The following NCKAP5 variants were observed in gnomAD, a reference collection of about 807,000 sequenced individuals.
NCKAP5 encodes the protein NCK associated protein 5, also known as nck-associated protein 5.
A neutral mutation model predicts 167.0 loss-of-function variants in NCKAP5; 92 were observed. The observed-to-expected ratio is 0.55, with a 90% CI of 0.47 to 0.66. The LOEUF is 0.66. Ranked by LOEUF, NCKAP5 falls within the 30% of genes least tolerant of loss-of-function variation. NCKAP5 has a pLI of 0.00. For synonymous variants in NCKAP5, 891 were observed against 877.4 expected (o/e 1.02, Z -0.27); for missense variants, 2,378 against 2,315.0 (o/e 1.03, Z -0.56).
chr2:133,652,029 G>T, the NCKAP5 span, among the ~76,000 whole-genome samples: 2 of 152,288 alleles, frequency 1.3e-5, no homozygotes, highest in African/African-American at 4.8e-5. Context: ...GAGTGGGAGA[G>T]CATGGCCTGA....
chr2:133,287,433 T>C (rs1023957018), intron 4 of NCKAP5, among the ~76,000 whole-genome samples: 2 of 152,212 alleles, frequency 1.3e-5, no homozygotes, highest in Admixed American at 6.5e-5. Flanking sequence ...TATTTGGCTT[T>C]CAATTAGTCA....
At chr2:132,867,362 C>A (rs1690437260) in intron 10 of NCKAP5, among the ~76,000 whole-genome samples, 1 of 152,090 alleles carries the variant, frequency 6.6e-6, no homozygotes, top group Non-Finnish European at 1.5e-5. Context: ...AAAAAGAATT[C>A]AAAAATGTTG....
At chr2:132,933,982 G>A (rs1414521524) in intron 8 of NCKAP5, among the ~76,000 whole-genome samples, 1 of 152,112 alleles carries the variant, frequency 6.6e-6, no homozygotes, top group African/African-American at 2.4e-5. Context: ...CATGAAAGGG[G>A]GCTTTTTGCC....
At chr2:132,929,474 T>G (rs765401504) in intron 8 of NCKAP5, among the ~76,000 whole-genome samples, 1 of 152,218 alleles carries the variant, frequency 6.6e-6, no homozygotes, top group Non-Finnish European at 1.5e-5. Flanking sequence ...AAAAATATAC[T>G]GTTAAAATTG....
At chr2:133,595,272 G>A in the NCKAP5 span, among the ~76,000 whole-genome samples, 1 of 151,972 alleles carries the variant, frequency 6.6e-6, no homozygotes, top group Admixed American at 6.6e-5. Flanking sequence ...TTTAGGTGGG[G>A]CGTATATAAC....
intron 3 of NCKAP5, among the ~76,000 whole-genome samples, chr2:133,398,751 C>T (rs1687912717): frequency 6.6e-6 from 1 of 152,078 alleles, no homozygotes; most frequent in African/African-American, 2.4e-5. Context: ...GGAGCATAGC[C>T]AAGCAGATGG....
intron 19 of NCKAP5, among the ~76,000 whole-genome samples, chr2:132,688,248 TC>T (rs1686221022): frequency 6.6e-6 from 1 of 152,194 alleles, no homozygotes; most frequent in Non-Finnish European, 1.5e-5. Context: ...AATTTTACAA[TC>T]CATCACATTT....
chr2:133,029,228 C>T (rs2078797993), intron 6 of NCKAP5, among the ~76,000 whole-genome samples: 1 of 152,188 alleles, frequency 6.6e-6, no homozygotes, highest in Admixed American at 6.5e-5. Flanking sequence ...ATTTTTACTA[C>T]AGCAATGAGG....
intron 6 of NCKAP5, among the ~76,000 whole-genome samples, chr2:133,059,714 C>T (rs759928830): frequency 6.6e-5 from 10 of 151,120 alleles, no homozygotes; most frequent in Non-Finnish European, 1.2e-4. Flanking sequence ...AAAAAAGGTA[C>T]GTACATTTTT....
At chr2:133,124,758 A>C (rs536682040) in intron 6 of NCKAP5, among the ~76,000 whole-genome samples, 51 of 152,320 alleles carry the variant, frequency 3.3e-4, no homozygotes, top group African/African-American at 1.1e-3. Flanking sequence ...AGCAGCTTTC[A>C]TTACTAATCT....
intron 4 of NCKAP5, among the ~76,000 whole-genome samples, chr2:133,234,558 T>G (rs898626632): frequency 2.0e-5 from 3 of 152,170 alleles, no homozygotes; most frequent in Non-Finnish European, 2.9e-5. Flanking sequence ...CTGTATGTTC[T>G]TTAACATGTC....
At chr2:133,581,230 T>C in the NCKAP5 span, among the ~76,000 whole-genome samples, 2 of 152,212 alleles carry the variant, frequency 1.3e-5, no homozygotes, top group Admixed American at 6.5e-5. Flanking sequence ...ATGTCTCAGA[T>C]GCATTTGAGT....
At chr2:133,456,287 G>A (rs1283091582) in intron 3 of NCKAP5, among the ~76,000 whole-genome samples, 2 of 152,178 alleles carry the variant, frequency 1.3e-5, no homozygotes, top group Admixed American at 6.5e-5. Flanking sequence ...CAATTATGAT[G>A]TAAGTAGGAG....
chr2:133,497,377 G>T (rs1276357793), intron 3 of NCKAP5, among the ~76,000 whole-genome samples: 1 of 152,170 alleles, frequency 6.6e-6, no homozygotes, highest in Non-Finnish European at 1.5e-5. Flanking sequence ...TTTAACATTG[G>T]TATTAAATGG....
At chr2:133,549,978 A>C (rs1248874848) in intron 2 of NCKAP5, among the ~76,000 whole-genome samples, 2 of 150,192 alleles carry the variant, frequency 1.3e-5, no homozygotes, top group Non-Finnish European at 3.0e-5. Context: ...CCTCTACGCA[A>C]ATAAACTAGA....
intron 6 of NCKAP5, among the ~76,000 whole-genome samples, chr2:133,100,182 C>G (rs1297531145): frequency 6.6e-6 from 1 of 152,188 alleles, no homozygotes; most frequent in Non-Finnish European, 1.5e-5. Context: ...TTCAAGTACA[C>G]CGAATCTCCC....
chr2:132,829,739 G>A (rs570524174), intron 11 of NCKAP5, among the ~76,000 whole-genome samples: 1 of 152,278 alleles, frequency 6.6e-6, no homozygotes, highest in African/African-American at 2.4e-5. Context: ...GAGGTGTAGG[G>A]TGGGCCCGAG....
chr2:133,664,430 A>G, the NCKAP5 span, among the ~76,000 whole-genome samples: 1 of 152,192 alleles, frequency 6.6e-6, no homozygotes, highest in Non-Finnish European at 1.5e-5. Flanking sequence ...TCTCCTCTAC[A>G]GCTTGAAAGT....
At chr2:133,276,179 G>T (rs2089722148) in intron 4 of NCKAP5, among the ~76,000 whole-genome samples, 1 of 151,998 alleles carries the variant, frequency 6.6e-6, no homozygotes, top group Admixed American at 6.6e-5. Context: ...CTTTTCTCTA[G>T]CTTACTTTCT....
Sources: gnomAD v4.1 joint callset for allele counts (sites outside exome capture counted in the v4.1 genomes callset) on GRCh38, gnomAD v4.1.1 for gene constraint, MANE v1.5 for transcripts, NCBI Gene and HGNC (gene_info 2026-07-23, HGNC 2026-07-21) for gene names.